ZBTB10: variants seen among roughly 807,000 people sequenced by gnomAD.
The protein encoded by ZBTB10 is zinc finger and BTB domain containing 10.
In ZBTB10, 32 loss-of-function variants were observed where a neutral mutation model predicts 76.4. The ratio of observed to expected loss-of-function variants is 0.42; its 90% CI spans 0.32 to 0.56. The LOEUF is 0.56. Among genes scored for constraint, ZBTB10 ranks in the 20% least tolerant of loss-of-function variants. The pLI is 0.14. For synonymous variants in ZBTB10, 523 were observed against 432.9 expected (o/e 1.21, Z -2.58); for missense variants, 1,057 against 1,098.5 (o/e 0.96, Z 0.53).
chr8:80,506,563 C>CA (rs1491467038), intron 2 of ZBTB10, among the ~76,000 whole-genome samples: 2 of 83,360 alleles, frequency 2.4e-5, no homozygotes, highest in Non-Finnish European at 4.3e-5. Context: ...AGGTGATCCA[C>CA]CCCCCCCCCA....
rs1355270926 is a variant in ZBTB10 at position 80,520,518 on chromosome 8, CCA to C, written c.*991_*992del. 1 of 152,420 alleles carries C rather than the reference CCA, an allele frequency of 6.6e-6. No individual in the cohort carries two copies. The highest frequency in any genetic ancestry group is 1.5e-5 in the Non-Finnish European group (1 of 67,912). The allele number at this position is 152,420 out of a possible 1,614,324, so 9.4% of individuals were successfully genotyped here. On this transcript the variant is annotated 3_prime_UTR_variant, in exon 6 of 6. Transcript: ENST00000455036. ...TTGTTTTATAATTTATCCACCATGTCCAGTTTGGTTAGCTTGTTATGCAATAT... is the reference window on the plus strand; with the variant it reads ...TTGTTTTATAATTTATCCACCATGTCGTTTGGTTAGCTTGTTATGCAATAT...
At chr8:80,497,218 T>G (rs76824730) in intron 1 of ZBTB10, among the ~76,000 whole-genome samples, 3 of 149,574 alleles carry the variant, frequency 2.0e-5, no homozygotes, top group East Asian at 3.9e-4. Flanking sequence ...AACATACTGG[T>G]TTTTTTTTTC....
intron 2 of ZBTB10, among the ~76,000 whole-genome samples, chr8:80,502,566 A>G (rs1017404055): frequency 9.2e-5 from 14 of 152,104 alleles, no homozygotes; most frequent in Admixed American, 6.5e-5. Context: ...CATTTCATTG[A>G]TACCAGTTTG....
chr8:80,520,240 T>A lies in ZBTB10; in HGVS notation c.*712T>A, dbSNP rs1309069588. On this transcript the variant is annotated 3_prime_UTR_variant, in exon 6 of 6. Coordinates refer to ENST00000455036, the MANE Select transcript of ZBTB10 (RefSeq NM_001105539.3). Reference sequence around the variant, plus strand: ...ATTTTACTACTTCACAAATGAAGAATGATGTTATGAAGTTACCGTGGCGAA... The same window carrying A: ...ATTTTACTACTTCACAAATGAAGAAAGATGTTATGAAGTTACCGTGGCGAA... 6.6e-6 allele frequency: 1 copy of A among 152,526 alleles called. No individual in the cohort carries two copies. The highest frequency in any genetic ancestry group is 1.5e-5 in the Non-Finnish European group (1 of 67,978). 9.4% of individuals were successfully genotyped at this position (152,526 alleles called of 1,614,324 possible). A position where few individuals can be genotyped will look rare whatever the true frequency, so the allele number is the denominator to read the frequency against.
At chr8:80,507,606 T>TC (rs1157255491) in intron 2 of ZBTB10, among the ~76,000 whole-genome samples, 1 of 150,712 alleles carries the variant, frequency 6.6e-6, no homozygotes, top group Non-Finnish European at 1.5e-5. Context: ...AGAGCCAGAC[T>TC]CCATCTCAAA....
intron 2 of ZBTB10, 22 bp from the exon 3 acceptor site, chr8:80,513,888 T>C (rs369273645): frequency 1.3e-4 from 216 of 1,606,982 alleles, no homozygotes; most frequent in African/African-American, 2.7e-5. Context: ...TGTAGATAAA[T>C]TTTTCTATGT....
intron 2 of ZBTB10, among the ~76,000 whole-genome samples, chr8:80,505,409 A>G (rs1482435931): frequency 6.6e-6 from 1 of 152,196 alleles, no homozygotes; most frequent in African/African-American, 2.4e-5. Flanking sequence ...AATCTTTGCC[A>G]CAAGCTGATG....
intron 2 of ZBTB10, among the ~76,000 whole-genome samples, chr8:80,508,663 A>T (rs932299685): frequency 3.9e-5 from 6 of 152,146 alleles, no homozygotes; most frequent in African/African-American, 1.4e-4. Context: ...ATCTTTTGTT[A>T]TGTAGGAGTT....
Position 80,487,743 on chromosome 8 carries a change from C to A in ZBTB10, c.933C>A (p.His311Gln), listed in dbSNP as rs1319731227. 12 of 1,609,786 alleles carry A rather than the reference C, an allele frequency of 7.5e-6. No individual in the cohort carries two copies. The highest frequency in any genetic ancestry group is 4.0e-5 in the African/African-American group (3 of 74,750). ...AGAAAACCCTCCTCCTGAGGCACCACGTCTCTACCGAGCACAAACTCCACG... is the reference window on the plus strand; with the variant it reads ...AGAAAACCCTCCTCCTGAGGCACCAAGTCTCTACCGAGCACAAACTCCACG... Reference protein sequence around the residue: ...NYKKTLLLRHHVSTEHKLHEA... With the variant: ...NYKKTLLLRHQVSTEHKLHEA... The change falls in exon 1 of 6, where the codon CAC becomes CAA. Residue 311 changes from histidine to glutamine, a missense_variant. His to Gln is a conservative substitution (Grantham distance 24, BLOSUM62 0). Transcript: ENST00000455036.
intron 2 of ZBTB10, among the ~76,000 whole-genome samples, chr8:80,502,437 A>G (rs1815948048): frequency 6.6e-6 from 1 of 152,114 alleles, no homozygotes; most frequent in Non-Finnish European, 1.5e-5. Context: ...GGGTCTCACC[A>G]TGTTGGCCAA....
intron 1 of ZBTB10, among the ~76,000 whole-genome samples, chr8:80,495,135 C>T (rs78294310): frequency 7.1e-6 from 1 of 140,524 alleles, no homozygotes; most frequent in Non-Finnish European, 1.5e-5. Flanking sequence ...CTCTCTCTCT[C>T]TTTTTTTTTT....
chr8:80,489,702 C>T lies in ZBTB10; in HGVS notation c.972+1920C>T, dbSNP rs73691904. ...AAAACCTTTCTAAACTTGACCCGAA[C>T]TACGACTCTCTTCCTCATCACTCCT... On this transcript the variant is annotated intron_variant, in intron 1 of 5. Transcript: ENST00000455036. Among the ~76,000 whole-genome samples the T allele has an allele frequency of 6.8e-3, 1,030 of 152,274 alleles. 11 individuals carry two copies. Among genetic ancestry groups the T allele is most frequent in the African/African-American group, 0.024 (977 of 41,530 alleles).
In ZBTB10 at chr8:80,518,403, G is replaced by T; in HGVS notation, c.1961G>T (p.Gly654Val). ...AGTSQDGGDA[G>V]TSHDFKYGLM... ...AATTCAGAATTTTTACTTGTACTAGGTACTTCACATGATTTCAAGTATGGT... is the reference window on the plus strand; with the variant it reads ...AATTCAGAATTTTTACTTGTACTAGTTACTTCACATGATTTCAAGTATGGT... The change falls in exon 4 of 6, where the codon GGT becomes GTT. Residue 654 changes from glycine to valine, a missense_variant and splice_region_variant. This residue lies in a region of ZBTB10 where 306 missense variants were observed against 297.5 expected (regional missense o/e 1.03). Coordinates refer to ENST00000455036, the MANE Select transcript of ZBTB10 (RefSeq NM_001105539.3). 6.5e-7 allele frequency: 1 copy of T among 1,549,398 alleles called. No individual in the cohort carries two copies. The highest frequency in any genetic ancestry group is 8.7e-7 in the Non-Finnish European group (1 of 1,146,656).
intron 2 of ZBTB10, among the ~76,000 whole-genome samples, chr8:80,510,651 T>TGG (rs1816167165): frequency 6.8e-6 from 1 of 146,060 alleles, no homozygotes; most frequent in Non-Finnish European, 1.5e-5. Context: ...TGTGTGTGTG[T>TGG]GTGTGTGTGT....
chr8:80,493,207 G>GCGCGCGCGCGCGCGCGCACACACA (rs375071529), intron 1 of ZBTB10, among the ~76,000 whole-genome samples: 3 of 125,242 alleles, frequency 2.4e-5, no homozygotes, highest in East Asian at 2.4e-4. Context: ...GCGCGCGCGC[G>GCGCGCGCGCGCGCGCGCACACACA]CACACACACA....
At chr8:80,485,754 TC>T, upstream of ZBTB10, 9 of 1,530,044 alleles carry the variant, frequency 5.9e-6, no homozygotes, top group Non-Finnish European at 6.1e-6. Context: ...TAAGTTCACT[TC>T]CTTGGGCACC....
chr8:80,514,308 T>C (rs985156643), intron 3 of ZBTB10, among the ~76,000 whole-genome samples: 3 of 152,218 alleles, frequency 2.0e-5, no homozygotes, highest in South Asian at 2.1e-4. Context: ...AAATGGTAAT[T>C]ACGATAATGG....
At chr8:80,500,427 C>T in intron 2 of ZBTB10, 45 bp downstream of exon 2, 8 of 1,416,292 alleles carry the variant, frequency 5.6e-6, no homozygotes, top group Non-Finnish European at 7.5e-6. Context: ...CATCCTAATT[C>T]TAGTTGGATA....
intron 1 of ZBTB10, among the ~76,000 whole-genome samples, chr8:80,493,244 C>CACACAG: frequency 6.7e-6 from 1 of 149,820 alleles, no homozygotes; most frequent in Non-Finnish European, 1.5e-5. Context: ...CACACACACA[C>CACACAG]AGCCTGAGGA....
Sources: allele counts gnomAD v4.1 joint callset (sites outside exome capture counted in the v4.1 genomes callset), GRCh38; gene constraint gnomAD v4.1.1; regional missense constraint gnomAD v4.1.1; transcripts MANE v1.5; gene names NCBI Gene and HGNC (gene_info 2026-07-23, HGNC 2026-07-21).